Variants in SETX observed in about 807,000 individuals in gnomAD.
SETX encodes helicase senataxin.
A neutral mutation model predicts 227.2 loss-of-function variants in SETX; 90 were observed. The ratio of observed to expected loss-of-function variants is 0.40; its 90% CI spans 0.33 to 0.47. The LOEUF is 0.47. Among genes scored for constraint, SETX ranks in the 20% least tolerant of loss-of-function variants. The pLI, the probability that SETX is intolerant of heterozygous loss-of-function variation, is 0.91. For missense variants in SETX, 3,052 were observed against 3,181.5 expected (o/e 0.96, Z 0.98); for synonymous variants, 1,210 against 1,113.2 (o/e 1.09, Z -1.73).
intron 10 of SETX, among the ~76,000 whole-genome samples, chr9:132,325,007 G>A (rs1217344349): frequency 6.6e-6 from 1 of 152,210 alleles, no homozygotes; most frequent in Non-Finnish European, 1.5e-5. Context: ...AGAAGAACCA[G>A]AATAGGATGT....
Position 132,336,135 on chromosome 9 carries a change from C to A in SETX, c.718+161G>T, listed in dbSNP as rs371519863. ...GCGTTTGCCTGTAATCACAGCTACT[C>A]GGGAGGCTAAGGCAGGAGAATTGCT... On this transcript the variant is annotated intron_variant, in intron 6 of 25. Transcript: ENST00000224140. Among the ~76,000 whole-genome samples the A allele has an allele frequency of 4.6e-5, 7 of 152,180 alleles. No homozygotes were observed. The East Asian group carries it at 1.4e-3, about 29-fold the overall frequency.
chr9:132,329,767 C>T lies in SETX; in HGVS notation c.1831G>A (p.Ala611Thr), dbSNP rs1313015495. The T allele has an allele frequency of 1.2e-6, 2 of 1,613,912 alleles. No individual in the cohort carries two copies. Among genetic ancestry groups the T allele is most frequent in the African/African-American group, 2.7e-5 (2 of 74,898 alleles). Residue 611 changes from alanine to threonine, a missense_variant, in exon 10 of 26, where the codon GCA becomes ACA. Ala to Thr is a moderately conservative substitution (Grantham distance 58). Transcript: ENST00000224140. ...TAAGATGCAGGAGAGATTTTACATG[C>T]AGAAGTCAGATCCACAAAAGTGTTA... is the stretch of plus-strand genomic sequence containing the variant. ...PCNTFVDLTS[A>T]CKISPASYNK...
chr9:132,294,898 T>C (rs1300115001), intron 15 of SETX, among the ~76,000 whole-genome samples: 1 of 152,224 alleles, frequency 6.6e-6, no homozygotes, highest in Non-Finnish European at 1.5e-5. Flanking sequence ...TCTGGGTTTT[T>C]GATTTTTAAA....
chr9:132,281,829 C>T (rs1281689369), intron 19 of SETX, among the ~76,000 whole-genome samples: 3 of 151,962 alleles, frequency 2.0e-5, no homozygotes, highest in East Asian at 1.9e-4. Flanking sequence ...ACCTGAGGTC[C>T]GGAGTTCAAG....
intron 16 of SETX, 62 bp downstream of exon 16, chr9:132,288,488 C>T (rs1844070426): frequency 2.0e-6 from 3 of 1,471,758 alleles, no homozygotes; most frequent in Non-Finnish European, 1.9e-6. Flanking sequence ...CTTTAGTGCC[C>T]AAGTCATTTT....
chr9:132,264,664 G>C lies in SETX; in HGVS notation c.7609C>G (p.Gln2537Glu). 2 of 1,614,236 alleles carry C rather than the reference G, an allele frequency of 1.2e-6. No individual in the cohort carries two copies. The highest frequency in any genetic ancestry group is 1.3e-5 in the African/African-American group (1 of 75,058). The change falls in exon 26 of 26, where the codon CAG becomes GAG. Residue 2537 changes from glutamine (Q) to glutamate (E), a missense_variant. This residue lies in a region of SETX where 294 missense variants were observed against 278.8 expected (regional missense o/e 1.05). Transcript: ENST00000224140. The stretch of plus-strand genomic sequence containing the variant: ...ATCCTCTTCAGCAGTCGTGGGTCCT[G>C]AAGTTGGTCATGAACAGGAGGTCTT... Reference protein sequence around the residue: ...PERPPVHDQLQDPRLLKRMGI... With the variant: ...PERPPVHDQLEDPRLLKRMGI...
At chr9:132,307,543 A>T (rs1845404901) in intron 11 of SETX, among the ~76,000 whole-genome samples, 1 of 152,152 alleles carries the variant, frequency 6.6e-6, no homozygotes, top group Non-Finnish European at 1.5e-5. Context: ...ATGAACTTGG[A>T]ACATCTTGTC....
intron 11 of SETX, among the ~76,000 whole-genome samples, chr9:132,310,494 C>T (rs1328346175): frequency 1.3e-5 from 2 of 152,210 alleles, no homozygotes; most frequent in Admixed American, 1.3e-4. Flanking sequence ...AAAGAGTTAA[C>T]ATAGCAGGCA....
chr9:132,313,020 AT>A lies in SETX; in HGVS notation c.5275-1165del, dbSNP rs529798628. ...ATATGTACACTTCTATATACATGAC[AT>A]TTCCAGAAGAGGCAGATTTATAGAC... is the stretch of plus-strand genomic sequence containing the variant. On this transcript the variant is annotated intron_variant, in intron 10 of 25. Transcript: ENST00000224140. 3.9e-3 allele frequency among the ~76,000 whole-genome samples: 590 copies of A among 152,286 alleles called. 10 individuals carry two copies. The highest frequency in any genetic ancestry group is 5.6e-3 in the Non-Finnish European group (378 of 68,016).
At chr9:132,337,659 C>T (rs1847709714) in intron 5 of SETX, among the ~76,000 whole-genome samples, 1 of 152,094 alleles carries the variant, frequency 6.6e-6, no homozygotes, top group African/African-American at 2.4e-5. Flanking sequence ...GTTTTGGAAT[C>T]CATGAGACCT....
chr9:132,286,447 C>T lies in SETX; in HGVS notation c.6372G>A (p.Gln2124=). 9 of 1,612,982 alleles carry T rather than the reference C, an allele frequency of 5.6e-6. 1 individual carries two copies. The highest frequency in any genetic ancestry group is 6.8e-6 in the Non-Finnish European group (8 of 1,179,668). The change falls in exon 18 of 26, where the codon CAG becomes CAA. Residue 2124 remains glutamine (Q), a synonymous_variant. Transcript: ENST00000224140. The part of the protein sequence containing the change: ...ENISKVSKER[Q]ELASKIKEVQ... The stretch of plus-strand genomic sequence containing the variant: ...CCTCTTTAATTTTAGAAGCAAGTTC[C>T]TGCCTTTCCTTAGAAACTTTGGAAA...
intron 19 of SETX, chr9:132,282,859 T>C: frequency 4.3e-6 from 1 of 234,190 alleles, no homozygotes; most frequent in East Asian, 1.0e-4. Context: ...CTCTACGTTC[T>C]GACAAACAGT....
At chr9:132,301,771 T>C (rs1024620638) in intron 11 of SETX, among the ~76,000 whole-genome samples, 6 of 152,202 alleles carry the variant, frequency 3.9e-5, no homozygotes, top group African/African-American at 1.4e-4. Flanking sequence ...TTAAGTGACA[T>C]GTGATTGTAC....
chr9:132,340,305 G>A (rs901420922), intron 5 of SETX, among the ~76,000 whole-genome samples: 10 of 152,022 alleles, frequency 6.6e-5, no homozygotes, highest in Non-Finnish European at 1.5e-4. Flanking sequence ...GTATCTTCCC[G>A]TATTTCTTCT....
At chr9:132,342,148 A>C (rs986738671) in intron 5 of SETX, among the ~76,000 whole-genome samples, 1 of 152,148 alleles carries the variant, frequency 6.6e-6, no homozygotes, top group African/African-American at 2.4e-5. Context: ...TGAGACCTGA[A>C]GCACAGACTG....
rs1564556822 is a variant in SETX, at chr9:132,336,522, G to GCAGAAT, written c.499-13_499-8dup. The GCAGAAT allele has an allele frequency of 6.3e-7, 1 of 1,587,322 alleles. No individual in the cohort carries two copies. The highest frequency in any genetic ancestry group is 1.7e-5 in the Admixed American group (1 of 59,996). ...AGATAGCCCAACGCCGAACCTAAAT[G>GCAGAAT]CAGAATATATTTATTACTTAATTCA... On this transcript the variant is annotated splice_region_variant and splice_polypyrimidine_tract_variant and intron_variant, in intron 5 of 25. Transcript: ENST00000224140.
intron 4 of SETX, among the ~76,000 whole-genome samples, chr9:132,345,430 C>A (rs1382189421): frequency 6.6e-6 from 1 of 152,112 alleles, no homozygotes; most frequent in East Asian, 1.9e-4. Context: ...CCTGCCACCA[C>A]ACCTGGCTAA....
chr9:132,314,906 GTTTT>G (rs559979271), intron 10 of SETX, among the ~76,000 whole-genome samples: 994 of 88,510 alleles, frequency 0.011, 8 homozygotes, highest in African/African-American at 0.034. Flanking sequence ...ATTTTATTGT[GTTTT>G]TTTTTTTTTT....
chr9:132,311,740 CG>C lies in SETX; in HGVS notation c.5374+16del. On this transcript the variant is annotated intron_variant, in intron 11 of 25. Coordinates refer to ENST00000224140, the MANE Select transcript of SETX (RefSeq NM_015046.7). ...TTATTATATCATATATTCCAAGTTG[CG>C]TAAGAAAAAACTTACCTGCAAACTC... 1.3e-6 allele frequency: 2 copies of C among 1,527,114 alleles called. No homozygotes were observed. The highest frequency in any genetic ancestry group is 1.8e-6 in the Non-Finnish European group (2 of 1,102,600). The allele number at this position is 1,527,114 out of a possible 1,614,324, so 94.6% of individuals were successfully genotyped here.
Sources: gnomAD v4.1 joint callset for allele counts (sites outside exome capture counted in the v4.1 genomes callset) on GRCh38, gnomAD v4.1.1 for gene constraint, gnomAD v4.1.1 regional missense constraint, MANE v1.5 for transcripts, NCBI Gene and HGNC (gene_info 2026-07-23, HGNC 2026-07-21) for gene names.